Variants in LHFPL3 observed in about 807,000 individuals in gnomAD.
LHFPL3 encodes LHFPL tetraspan subfamily member 3, also known as LHFPL tetraspan subfamily member 3 protein.
Under a neutral mutation model 19.3 loss-of-function variants are expected in LHFPL3, and 5 were observed. The observed-to-expected ratio is 0.26, with a 90% CI of 0.14 to 0.54. The LOEUF (loss-of-function observed/expected upper bound fraction) is 0.54. Ranked by LOEUF, LHFPL3 falls within the 20% of genes least tolerant of loss-of-function variation. LHFPL3 has a pLI of 0.94. For missense variants in LHFPL3, 249 were observed against 307.4 expected (o/e 0.81, Z 1.42); for synonymous variants, 133 against 126.2 (o/e 1.05, Z -0.36).
chr7:104,478,841 T>C lies in LHFPL3; in HGVS notation c.445+149617T>C, dbSNP rs1223636763. 3.3e-5 allele frequency among the ~76,000 whole-genome samples: 5 copies of C among 152,230 alleles called. No homozygotes were observed. In the East Asian group the frequency reaches 7.7e-4, roughly 23 times the overall value. On this transcript the variant is annotated intron_variant, in intron 1 of 2. Transcript: ENST00000424859. The stretch of plus-strand genomic sequence containing the variant: ...GTCTTTGGGGATAGCAGGAATGTCA[T>C]GTGGACACAGTGAGCACTGACTGAG...
chr7:104,521,686 A>C (rs182118442), intron 1 of LHFPL3, among the ~76,000 whole-genome samples: 2 of 152,338 alleles, frequency 1.3e-5, no homozygotes, highest in Admixed American at 1.3e-4. Context: ...AAACAAATTT[A>C]CAAGAAAAAA....
chr7:104,494,560 T>C (rs530029483), intron 1 of LHFPL3, among the ~76,000 whole-genome samples: 1 of 152,292 alleles, frequency 6.6e-6, no homozygotes, highest in African/African-American at 2.4e-5. Flanking sequence ...AAGAACTCCC[T>C]GCCCCCAAAA....
chr7:104,428,182 C>T (rs569503114), intron 1 of LHFPL3, among the ~76,000 whole-genome samples: 6 of 152,216 alleles, frequency 3.9e-5, no homozygotes, highest in South Asian at 2.1e-4. Context: ...TGTAGATGTC[C>T]GTCCACAATT....
chr7:104,865,262 C>A (rs188834455), intron 2 of LHFPL3, among the ~76,000 whole-genome samples: 15 of 151,822 alleles, frequency 9.9e-5, no homozygotes, highest in African/African-American at 3.4e-4. Flanking sequence ...AGGCTTCAGA[C>A]GATCAAACTA....
chr7:104,328,983 G>A lies in LHFPL3; in HGVS notation c.204G>A (p.Pro68=). The A allele has an allele frequency of 6.2e-7, 1 of 1,614,182 alleles. No individual in the cohort carries two copies. The highest frequency in any genetic ancestry group is 8.5e-7 in the Non-Finnish European group (1 of 1,180,024). Residue 68 remains proline, a synonymous_variant, in exon 1 of 3, where the codon CCG becomes CCA. Transcript: ENST00000424859. This position sits in a 1 kb window ranked among gnomAD's most constrained non-coding sequence, Gnocchi z 4.6. ...GGATAGGCGACGGCGTGGACACCCC[G>A]CAAGCCGGCTATTTCGGGCTCTTCC... is the stretch of plus-strand genomic sequence containing the variant. The part of the protein sequence containing the change: ...PYWIGDGVDT[P]QAGYFGLFHY...
chr7:104,436,051 C>T (rs758627777), intron 1 of LHFPL3, among the ~76,000 whole-genome samples: 6 of 152,036 alleles, frequency 3.9e-5, no homozygotes, highest in Admixed American at 6.6e-5. Flanking sequence ...AATAGCTATT[C>T]ATTATAGTCT....
At chr7:104,402,590 A>T (rs1791335293) in intron 1 of LHFPL3, among the ~76,000 whole-genome samples, 2 of 152,052 alleles carry the variant, frequency 1.3e-5, no homozygotes, top group African/African-American at 4.8e-5. Flanking sequence ...ATTACATTTC[A>T]CCCCCTCACA....
chr7:104,696,926 C>T (rs1793007110), intron 1 of LHFPL3, among the ~76,000 whole-genome samples: 1 of 152,228 alleles, frequency 6.6e-6, no homozygotes, highest in Non-Finnish European at 1.5e-5. Flanking sequence ...TTATACACAA[C>T]TGAAATTTAT....
rs368183921 is a variant in LHFPL3 at position 104,563,571 on chromosome 7, C to T, written c.446-173104C>T. Among the ~76,000 whole-genome samples, 103 of 152,386 alleles carry T rather than the reference C, an allele frequency of 6.8e-4. No individual in the cohort carries two copies. In the East Asian group the frequency reaches 0.019, roughly 27 times the overall value. On this transcript the variant is annotated intron_variant, in intron 1 of 2. Transcript: ENST00000424859. ...CACGGTGCACGCACCCACTGACCTG[C>T]GCCCACTGTCTGGCACTCCCTAGTG...
intron 1 of LHFPL3, among the ~76,000 whole-genome samples, chr7:104,502,559 T>C (rs1438620368): frequency 6.6e-6 from 1 of 152,212 alleles, no homozygotes. Flanking sequence ...ATTCTCGAGC[T>C]ACATGAAGAT....
intron 1 of LHFPL3, among the ~76,000 whole-genome samples, chr7:104,412,909 G>C (rs868294980): frequency 6.6e-5 from 10 of 152,090 alleles, no homozygotes; most frequent in African/African-American, 2.4e-4. Flanking sequence ...GTGTTTGTCA[G>C]GTCTGTCATT....
At chr7:104,395,436 C>G (rs113645999) in intron 1 of LHFPL3, among the ~76,000 whole-genome samples, 14 of 152,288 alleles carry the variant, frequency 9.2e-5, no homozygotes, top group African/African-American at 3.1e-4. Flanking sequence ...CTTAGTGTCA[C>G]TTGTATCATT....
At chr7:104,567,409 T>C (rs1344916626) in intron 1 of LHFPL3, among the ~76,000 whole-genome samples, 2 of 152,178 alleles carry the variant, frequency 1.3e-5, no homozygotes, top group African/African-American at 2.4e-5. Flanking sequence ...GATATACCCA[T>C]GTGTTTAGGG....
intron 1 of LHFPL3, among the ~76,000 whole-genome samples, chr7:104,704,184 T>C (rs1382768267): frequency 1.3e-5 from 2 of 152,194 alleles, no homozygotes; most frequent in African/African-American, 4.8e-5. Flanking sequence ...GATTATACTA[T>C]GAAAATTGAA....
chr7:104,360,066 G>A (rs372865750), intron 1 of LHFPL3, among the ~76,000 whole-genome samples: 15 of 152,320 alleles, frequency 9.8e-5, no homozygotes, highest in African/African-American at 1.9e-4. Context: ...GACACTTTCC[G>A]TTGCACCATG....
At chr7:104,548,200 G>A (rs375077349) in intron 1 of LHFPL3, among the ~76,000 whole-genome samples, 1 of 152,092 alleles carries the variant, frequency 6.6e-6, no homozygotes, top group African/African-American at 2.4e-5. Context: ...GATAATGAAT[G>A]CAGTTTTCCT....
At chr7:104,430,717 C>T (rs1273699544) in intron 1 of LHFPL3, among the ~76,000 whole-genome samples, 1 of 151,358 alleles carries the variant, frequency 6.6e-6, no homozygotes, top group Non-Finnish European at 1.5e-5. Flanking sequence ...ATCCGCCCAC[C>T]TCGGCCTCCC....
intron 1 of LHFPL3, among the ~76,000 whole-genome samples, chr7:104,586,626 A>G (rs1050475814): frequency 2.6e-5 from 4 of 152,132 alleles, no homozygotes; most frequent in Non-Finnish European, 5.9e-5. Context: ...AATTGACTTT[A>G]TATATTTTTT....
chr7:104,590,465 G>A (rs1052452161), intron 1 of LHFPL3, among the ~76,000 whole-genome samples: 2 of 152,214 alleles, frequency 1.3e-5, no homozygotes, highest in African/African-American at 2.4e-5. Flanking sequence ...TGATTGCACT[G>A]TGGTCTGAGA....
Sources: gnomAD v4.1 joint callset for allele counts (sites outside exome capture counted in the v4.1 genomes callset) on GRCh38, gnomAD v4.1.1 for gene constraint, Gnocchi (gnomAD v3.1) non-coding constraint, MANE v1.5 for transcripts, NCBI Gene and HGNC (gene_info 2026-07-23, HGNC 2026-07-21) for gene names.